Variants in FGGY observed in about 807,000 individuals in gnomAD.
FGGY encodes FGGY carbohydrate kinase domain-containing protein.
A neutral mutation model predicts 71.3 loss-of-function variants in FGGY; 72 were observed. The ratio of observed to expected loss-of-function variants is 1.01; its 90% CI spans 0.84 to 1.23. The LOEUF is 1.23. FGGY is among the 50% of genes most tolerant of loss of function. The pLI, the probability that FGGY is intolerant of heterozygous loss-of-function variation, is 0.00. For missense variants in FGGY, 668 were observed against 682.3 expected (o/e 0.98, Z 0.23); for synonymous variants, 251 against 250.3 (o/e 1.00, Z -0.02).
intron 6 of FGGY, among the ~76,000 whole-genome samples, chr1:59,463,193 A>G (rs936064802): frequency 2.0e-5 from 3 of 152,210 alleles, no homozygotes; most frequent in South Asian, 2.1e-4. Flanking sequence ...AGGGACATGG[A>G]TGAAATTGGA....
chr1:59,319,863 A>G (rs1570286698), intron 1 of FGGY, among the ~76,000 whole-genome samples: 1 of 152,216 alleles, frequency 6.6e-6, no homozygotes, highest in East Asian at 1.9e-4. Flanking sequence ...GGCCTAGCAG[A>G]GGGACTGCTG....
At chr1:59,534,228 T>C (rs1045884072) in intron 7 of FGGY, among the ~76,000 whole-genome samples, 4 of 151,488 alleles carry the variant, frequency 2.6e-5, no homozygotes, top group Admixed American at 2.0e-4. Flanking sequence ...AGAAAGGGTA[T>C]CAGCGATGGA....
intron 8 of FGGY, among the ~76,000 whole-genome samples, chr1:59,558,947 A>G (rs772376554): frequency 1.3e-5 from 2 of 152,182 alleles, no homozygotes; most frequent in Non-Finnish European, 2.9e-5. Flanking sequence ...TGTCTGCAAG[A>G]AGAAAAATAT....
At chr1:59,361,285 T>G (rs2055457271) in intron 4 of FGGY, among the ~76,000 whole-genome samples, 1 of 152,222 alleles carries the variant, frequency 6.6e-6, no homozygotes, top group South Asian at 2.1e-4. Context: ...AGAGTCACTA[T>G]TCCCAGGATG....
At chr1:59,435,448 C>A (rs938672352) in intron 5 of FGGY, among the ~76,000 whole-genome samples, 2 of 152,164 alleles carry the variant, frequency 1.3e-5, no homozygotes, top group Non-Finnish European at 2.9e-5. Context: ...GCAGTGACAT[C>A]CCCATGCCAC....
chr1:59,575,748 C>T (rs12088339), intron 8 of FGGY, among the ~76,000 whole-genome samples: 2,499 of 152,232 alleles, frequency 0.016, 70 homozygotes, highest in African/African-American at 0.056. Flanking sequence ...ACTAACCTTG[C>T]TAAACTTTCT....
chr1:59,304,112 T>C (rs1176203434), intron 1 of FGGY, among the ~76,000 whole-genome samples: 1 of 152,158 alleles, frequency 6.6e-6, no homozygotes, highest in African/African-American at 2.4e-5. Context: ...ATTTTTGCTT[T>C]TATTGCTCAT....
At chr1:59,678,276 G>C (rs2097456345) in intron 14 of FGGY, among the ~76,000 whole-genome samples, 1 of 152,142 alleles carries the variant, frequency 6.6e-6, no homozygotes, top group Non-Finnish European at 1.5e-5. Context: ...TGGAATCCCT[G>C]CAGTCTTGAC....
Position 59,707,233 on chromosome 1 carries a change from G to A in FGGY, c.1512+33100G>A, listed in dbSNP as rs186301884. Among the ~76,000 whole-genome samples, 142 of 152,262 alleles carry A rather than the reference G, an allele frequency of 9.3e-4. 1 individual carries two copies. The East Asian group carries it at 0.025, about 27-fold the overall frequency. ...ACTATTATTTCCAGTTTTGCCTAGC[G>A]AAACTGCGAGCTGGAGAGGTTAAGT... On this transcript the variant is annotated intron_variant, in intron 14 of 15. Coordinates refer to ENST00000303721, the MANE Select transcript of FGGY (RefSeq NM_018291.5).
chr1:59,461,412 G>T (rs2092201435), intron 6 of FGGY, among the ~76,000 whole-genome samples: 1 of 152,186 alleles, frequency 6.6e-6, no homozygotes, highest in South Asian at 2.1e-4. Context: ...CAAGAAATGT[G>T]GGACTATGTG....
intron 11 of FGGY, among the ~76,000 whole-genome samples, chr1:59,642,962 G>A (rs527616024): frequency 7.3e-5 from 11 of 150,756 alleles, no homozygotes; most frequent in Admixed American, 5.3e-4. Context: ...GAGAACCTGG[G>A]GGGTGGAGCT....
intron 11 of FGGY, among the ~76,000 whole-genome samples, chr1:59,653,037 T>TG (rs745969646): frequency 7.9e-5 from 12 of 152,160 alleles, no homozygotes; most frequent in South Asian, 2.1e-4. Flanking sequence ...GTGCTCCTGC[T>TG]GGGGGGTGCC....
intron 5 of FGGY, among the ~76,000 whole-genome samples, chr1:59,445,182 T>G (rs2070942783): frequency 6.6e-6 from 1 of 152,160 alleles, no homozygotes; most frequent in Non-Finnish European, 1.5e-5. Context: ...CTTTTGCTCC[T>G]TTTCTTCATG....
Position 59,353,493 on chromosome 1 carries a change from A to G in FGGY, c.465+7095A>G, listed in dbSNP as rs151308305. On this transcript the variant is annotated intron_variant, in intron 4 of 15. Transcript: ENST00000303721. ...TAGAGAATAGAAGAGCACAGAACAT[A>G]TTTTCAGTCATTCATTTATTTGAAT... Among the ~76,000 whole-genome samples, 699 of 152,254 alleles carry G rather than the reference A, an allele frequency of 4.6e-3. 1 individual carries two copies. The highest frequency in any genetic ancestry group is 7.6e-3 in the Non-Finnish European group (520 of 68,016).
rs1264625203 is a variant in FGGY at position 59,512,390 on chromosome 1, T to G, written c.750T>G (p.Pro250=). ...CAGCAAGAGACCTTGGCCTTCTCCC[T>G]GGGATTGCGGTCGCAGCTTCACTCA... ...PEAARDLGLL[P]GIAVAASLID... is the part of the protein sequence containing the mutation. The change falls in exon 7 of 16, where the codon CCT becomes CCG. Residue 250 remains proline (P), a synonymous_variant. Coordinates refer to ENST00000303721, the MANE Select transcript of FGGY (RefSeq NM_018291.5). 3 of 1,613,792 alleles carry G rather than the reference T, an allele frequency of 1.9e-6. No homozygotes were observed. The highest frequency in any genetic ancestry group is 2.5e-6 in the Non-Finnish European group (3 of 1,179,798).
intron 5 of FGGY, among the ~76,000 whole-genome samples, chr1:59,381,009 T>C (rs535801970): frequency 6.6e-6 from 1 of 152,336 alleles, no homozygotes; most frequent in African/African-American, 2.4e-5. Context: ...TTTCTCCATA[T>C]GGCTAGCCAG....
intron 11 of FGGY, among the ~76,000 whole-genome samples, chr1:59,649,312 T>A (rs2097132704): frequency 7.0e-6 from 1 of 143,026 alleles, no homozygotes; most frequent in Non-Finnish European, 1.5e-5. Context: ...TTGATGGGGA[T>A]GGCATTGAAT....
chr1:59,714,050 A>C (rs2097822988), intron 14 of FGGY, among the ~76,000 whole-genome samples: 1 of 152,202 alleles, frequency 6.6e-6, no homozygotes, highest in South Asian at 2.1e-4. Context: ...GCTCCTTGGA[A>C]ATGAAGTGGA....
At chr1:59,696,068 T>A (rs1196827908) in intron 14 of FGGY, among the ~76,000 whole-genome samples, 2 of 152,228 alleles carry the variant, frequency 1.3e-5, no homozygotes, top group Non-Finnish European at 2.9e-5. Flanking sequence ...AACATATTCC[T>A]TCTAAAAGTG....
Sources: gnomAD v4.1 joint callset for allele counts (sites outside exome capture counted in the v4.1 genomes callset) on GRCh38, gnomAD v4.1.1 for gene constraint, MANE v1.5 for transcripts, NCBI Gene and HGNC (gene_info 2026-07-23, HGNC 2026-07-21) for gene names.